Variants in LRRC4C observed in about 807,000 individuals in gnomAD.
LRRC4C encodes the protein leucine-rich repeat-containing protein 4C.
A neutral mutation model predicts 33.6 loss-of-function variants in LRRC4C; 5 were observed. The ratio of observed to expected loss-of-function variants is 0.15; its 90% CI spans 0.08 to 0.31. The LOEUF (loss-of-function observed/expected upper bound fraction) is 0.31, where lower values mean the gene tolerates loss of function less well. Among genes scored for constraint, LRRC4C ranks in the 10% least tolerant of loss-of-function variants. The probability of loss-of-function intolerance (pLI) is 1.00; values close to 1 mark genes in which losing one functional copy is unlikely to be tolerated. For synonymous variants in LRRC4C, 329 were observed against 302.0 expected, an observed-to-expected ratio of 1.09 and a Z score of -0.93; for missense variants, 560 against 796.7, an observed-to-expected ratio of 0.70 and a Z score of 3.58.
At chr11:41,220,637 T>C (rs943563015) in intron 1 of LRRC4C, among the ~76,000 whole-genome samples, 2 of 151,942 alleles carry the variant, frequency 1.3e-5, no homozygotes, top group East Asian at 1.9e-4. Context: ...TCTATTTCAC[T>C]GAGAAAAAAA....
At chr11:41,451,926 A>G (rs947228930) in intron 1 of LRRC4C, among the ~76,000 whole-genome samples, 1 of 151,950 alleles carries the variant, frequency 6.6e-6, no homozygotes, top group Non-Finnish European at 1.5e-5. Flanking sequence ...GTCACTATGC[A>G]TGGTGGATGT....
intron 1 of LRRC4C, among the ~76,000 whole-genome samples, chr11:41,203,135 G>A (rs543009212): frequency 6.6e-6 from 1 of 152,260 alleles, no homozygotes; most frequent in South Asian, 2.1e-4. Context: ...ATCATGGAAG[G>A]TCTTATTCCT....
At chr11:41,121,173 C>T (rs958715416) in intron 1 of LRRC4C, among the ~76,000 whole-genome samples, 4 of 152,100 alleles carry the variant, frequency 2.6e-5, no homozygotes, top group African/African-American at 9.7e-5. Flanking sequence ...CCTTTTTATT[C>T]AAACTTTTTT....
chr11:40,740,567 C>T (rs1948107698), intron 2 of LRRC4C, among the ~76,000 whole-genome samples: 1 of 151,838 alleles, frequency 6.6e-6, no homozygotes, highest in South Asian at 2.1e-4. Flanking sequence ...GTATAGTTTG[C>T]ATATATTTTC....
chr11:40,726,652 A>G (rs1947304285), intron 2 of LRRC4C, among the ~76,000 whole-genome samples: 1 of 152,206 alleles, frequency 6.6e-6, no homozygotes, highest in South Asian at 2.1e-4. Flanking sequence ...CCAACATCAT[A>G]CTGAATGGGA....
chr11:40,659,930 A>G (rs1943342400), intron 2 of LRRC4C, among the ~76,000 whole-genome samples: 1 of 152,218 alleles, frequency 6.6e-6, no homozygotes, highest in African/African-American at 2.4e-5. Flanking sequence ...AAAGAGCTGT[A>G]ACACAAACAG....
At chr11:40,326,164 A>G (rs4494296) in intron 3 of LRRC4C, among the ~76,000 whole-genome samples, 149,396 of 152,268 alleles carry the variant, frequency 0.98, 73,366 homozygotes, top group Middle Eastern at 1. Context: ...AAGTCTTTGT[A>G]TTTACCAAAA....
At chr11:40,286,021 T>C (rs757611299) in intron 4 of LRRC4C, among the ~76,000 whole-genome samples, 9 of 152,176 alleles carry the variant, frequency 5.9e-5, no homozygotes, top group Admixed American at 1.3e-4. Context: ...GCATATCAAA[T>C]GCTCAAGAAA....
intron 1 of LRRC4C, among the ~76,000 whole-genome samples, chr11:41,437,206 T>A (rs552289847): frequency 2.7e-4 from 41 of 152,282 alleles, no homozygotes; most frequent in African/African-American, 9.1e-4. Context: ...CCTGAATTGA[T>A]TCACCTCTGA....
chr11:40,771,859 T>C (rs1304541453), intron 2 of LRRC4C, among the ~76,000 whole-genome samples: 1 of 152,172 alleles, frequency 6.6e-6, no homozygotes, highest in African/African-American at 2.4e-5. Context: ...TCAACAAGTC[T>C]CTAGGAAGTT....
intron 1 of LRRC4C, among the ~76,000 whole-genome samples, chr11:41,007,452 T>A (rs1854838425): frequency 6.6e-6 from 1 of 152,114 alleles, no homozygotes; most frequent in Non-Finnish European, 1.5e-5. Flanking sequence ...TATATATTGT[T>A]CTGGAGAGTA....
intron 1 of LRRC4C, among the ~76,000 whole-genome samples, chr11:41,219,999 C>T (rs2136376063): frequency 6.6e-6 from 1 of 152,190 alleles, no homozygotes; most frequent in African/African-American, 2.4e-5. Flanking sequence ...ATTATTTGAC[C>T]TGGAATTTTT....
At chr11:40,763,054 T>TATATATGTATATATATGTATACACACAC (rs1949293300) in intron 2 of LRRC4C, among the ~76,000 whole-genome samples, 1 of 45,070 alleles carries the variant, frequency 2.2e-5, no homozygotes, top group Non-Finnish European at 6.3e-5. Flanking sequence ...TCTCCAAATA[T>TATATATGTATATATATGTATACACACAC]ATATATATGT....
intron 1 of LRRC4C, among the ~76,000 whole-genome samples, chr11:40,983,921 G>A (rs948602534): frequency 1.3e-5 from 2 of 152,150 alleles, no homozygotes; most frequent in Non-Finnish European, 2.9e-5. Flanking sequence ...TATGGAACAT[G>A]TGAATGTAGC....
intron 3 of LRRC4C, among the ~76,000 whole-genome samples, chr11:40,581,952 G>A (rs1958487618): frequency 6.6e-6 from 1 of 151,960 alleles, no homozygotes. Context: ...CTATATGTGT[G>A]AAAAGCTGAA....
chr11:40,679,830 T>G (rs571841956), intron 2 of LRRC4C, among the ~76,000 whole-genome samples: 1 of 152,140 alleles, frequency 6.6e-6, no homozygotes, highest in East Asian at 1.9e-4. Flanking sequence ...AAATGTGGGG[T>G]CAGATCCCCC....
At chr11:40,735,713 A>G (rs1439776434) in intron 2 of LRRC4C, among the ~76,000 whole-genome samples, 2 of 147,488 alleles carry the variant, frequency 1.4e-5, no homozygotes, top group East Asian at 3.9e-4. Context: ...TTCTAGTTCT[A>G]GATCCCTGAG....
At chr11:40,358,324 A>G (rs1294120346) in intron 3 of LRRC4C, among the ~76,000 whole-genome samples, 3 of 152,134 alleles carry the variant, frequency 2.0e-5, no homozygotes, top group African/African-American at 7.2e-5. Context: ...TCTGTTGCCC[A>G]GGCTGGAGTG....
At chr11:41,119,466 C>T (rs1227809733) in intron 1 of LRRC4C, among the ~76,000 whole-genome samples, 1 of 152,128 alleles carries the variant, frequency 6.6e-6, no homozygotes, top group Non-Finnish European at 1.5e-5. Context: ...AAGGTAATCC[C>T]ATTAGGTAAG....
Sources: gnomAD v4.1 joint callset for allele counts (sites outside exome capture counted in the v4.1 genomes callset) on GRCh38, gnomAD v4.1.1 for gene constraint, MANE v1.5 for transcripts, NCBI Gene and HGNC (gene_info 2026-07-23, HGNC 2026-07-21) for gene names.